NAALADL2: variants seen among roughly 807,000 people sequenced by gnomAD.
NAALADL2 encodes inactive N-acetylated-alpha-linked acidic dipeptidase-like protein 2.
Under a neutral mutation model 87.2 loss-of-function variants are expected in NAALADL2, and 76 were observed. The observed-to-expected ratio is 0.87, with a 90% CI of 0.72 to 1.05. The LOEUF is 1.05. NAALADL2 is among the 50% of genes least tolerant of loss of function. The pLI is 0.00. For synonymous variants in NAALADL2, 354 were observed against 331.0 expected (o/e 1.07, Z -0.75); for missense variants, 1,089 against 945.8 (o/e 1.15, Z -1.99).
intron 2 of NAALADL2, among the ~76,000 whole-genome samples, chr3:174,673,484 G>A (rs561182418): frequency 1.7e-4 from 26 of 152,076 alleles, no homozygotes; most frequent in African/African-American, 5.3e-4. Context: ...CTGTTCAGCC[G>A]TAATTTGCAG....
intron 1 of NAALADL2, among the ~76,000 whole-genome samples, chr3:174,945,715 T>C (rs1467065468): frequency 1.3e-5 from 2 of 152,148 alleles, no homozygotes; most frequent in Non-Finnish European, 2.9e-5. Context: ...AGAATGGAAT[T>C]GGAGAGGTCC....
At chr3:174,618,058 C>A (rs368339355) in intron 2 of NAALADL2, among the ~76,000 whole-genome samples, 3 of 151,772 alleles carry the variant, frequency 2.0e-5, no homozygotes, top group Admixed American at 6.6e-5. Context: ...GCATTAAAAC[C>A]AGAGCTGACT....
At chr3:174,853,129 G>A (rs1020369060) in intron 3 of NAALADL2, among the ~76,000 whole-genome samples, 2 of 144,638 alleles carry the variant, frequency 1.4e-5, no homozygotes, top group Admixed American at 1.5e-4. Flanking sequence ...ACTGTGGGAG[G>A]CCAAAGTGGG....
intron 9 of NAALADL2, among the ~76,000 whole-genome samples, chr3:175,572,471 A>G (rs1008620682): frequency 2.4e-4 from 36 of 152,268 alleles, no homozygotes; most frequent in African/African-American, 8.7e-4. Context: ...TAGGGAAAAA[A>G]TTAGACTTTT....
intron 11 of NAALADL2, among the ~76,000 whole-genome samples, chr3:175,692,708 C>T (rs2149923124): frequency 6.6e-6 from 1 of 152,266 alleles, no homozygotes; most frequent in Middle Eastern, 3.4e-3. Flanking sequence ...TAGGGTGCAG[C>T]TGAGAACTTG....
rs77040122 is a variant in NAALADL2 at position 174,715,539 on chromosome 3, G to A, written c.-114-22102G>A. 7.4e-3 allele frequency among the ~76,000 whole-genome samples: 1,119 copies of A among 152,222 alleles called. 9 individuals carry two copies. Among genetic ancestry groups the A allele is most frequent in the Non-Finnish European group, 0.013 (867 of 68,010 alleles). On this transcript the variant is annotated intron_variant, in intron 2 of 3. Coordinates refer to the NAALADL2 transcript ENST00000434257. ...GGATAGGCATTCTCACATTTCACTG[G>A]AGAATGGGTTTCCTCTTTTCAGTCT...
intron 4 of NAALADL2, among the ~76,000 whole-genome samples, chr3:175,292,132 G>A (rs547106187): frequency 1.3e-5 from 2 of 152,174 alleles, no homozygotes; most frequent in East Asian, 3.9e-4. Flanking sequence ...CCTTCTTTTG[G>A]TGCGTTTGTC....
intron 1 of NAALADL2, among the ~76,000 whole-genome samples, chr3:175,078,795 C>T (rs1363375152): frequency 6.6e-6 from 1 of 152,132 alleles, no homozygotes; most frequent in Non-Finnish European, 1.5e-5. Flanking sequence ...GAATAATATT[C>T]CCATGTATGG....
At chr3:175,045,256 T>C (rs1199256254) in intron 1 of NAALADL2, among the ~76,000 whole-genome samples, 1 of 152,182 alleles carries the variant, frequency 6.6e-6, no homozygotes, top group Non-Finnish European at 1.5e-5. Context: ...CCGTGGACAC[T>C]CCACCCGAAG....
At chr3:175,223,340 A>ATTT (rs71626204) in intron 2 of NAALADL2, among the ~76,000 whole-genome samples, 1 of 139,974 alleles carries the variant, frequency 7.1e-6, no homozygotes, top group East Asian at 2.1e-4. Flanking sequence ...TATTAGTTTG[A>ATTT]TTTTTTTTTT....
chr3:174,726,895 G>A (rs1019992472), intron 2 of NAALADL2, among the ~76,000 whole-genome samples: 4 of 151,968 alleles, frequency 2.6e-5, no homozygotes, highest in Admixed American at 6.6e-5. Flanking sequence ...TAATAAGTCC[G>A]TTTTATCTCC....
intron 10 of NAALADL2, chr3:175,581,152 G>A: frequency 2.5e-6 from 1 of 392,560 alleles, no homozygotes; most frequent in Non-Finnish European, 5.2e-6. Context: ...TTTAAAAAAG[G>A]CTGAATAGGC....
chr3:174,637,134 A>G (rs570588583), intron 2 of NAALADL2, among the ~76,000 whole-genome samples: 13 of 152,226 alleles, frequency 8.5e-5, no homozygotes, highest in Admixed American at 8.5e-4. Context: ...TGTCATGGAG[A>G]TAGAGAGTAG....
At chr3:175,730,688 A>T (rs1307281210) in intron 11 of NAALADL2, among the ~76,000 whole-genome samples, 3 of 151,938 alleles carry the variant, frequency 2.0e-5, no homozygotes, top group East Asian at 1.9e-4. Context: ...TGTGGTGATT[A>T]TTAACTCAGT....
chr3:174,474,114 G>T (rs924172027), intron 1 of NAALADL2, among the ~76,000 whole-genome samples: 1 of 152,096 alleles, frequency 6.6e-6, no homozygotes, highest in African/African-American at 2.4e-5. Flanking sequence ...GATAAGATTT[G>T]GATGGGGTCA....
chr3:175,688,393 G>A (rs1448233155), intron 11 of NAALADL2, among the ~76,000 whole-genome samples: 5 of 152,158 alleles, frequency 3.3e-5, no homozygotes, highest in African/African-American at 4.8e-5. Flanking sequence ...CATATTATCA[G>A]GAGCTCAGGT....
chr3:175,005,176 A>G (rs944043473), intron 1 of NAALADL2, among the ~76,000 whole-genome samples: 4 of 152,192 alleles, frequency 2.6e-5, no homozygotes, highest in African/African-American at 7.2e-5. Flanking sequence ...TTTAATATTC[A>G]GAAAAATCCT....
At chr3:175,449,917 TA>T (rs1454517756) in intron 6 of NAALADL2, among the ~76,000 whole-genome samples, 1 of 152,216 alleles carries the variant, frequency 6.6e-6, no homozygotes, top group Non-Finnish European at 1.5e-5. Flanking sequence ...TTATGTTTTT[TA>T]AAATTCAAAA....
chr3:175,137,672 C>G (rs1729326584), intron 2 of NAALADL2, among the ~76,000 whole-genome samples: 1 of 151,130 alleles, frequency 6.6e-6, no homozygotes. Context: ...ATGGCTCAAC[C>G]TCAGCTCAGT....
Sources: gnomAD v4.1 joint callset for allele counts (sites outside exome capture counted in the v4.1 genomes callset) on GRCh38, gnomAD v4.1.1 for gene constraint, MANE v1.5 for transcripts, NCBI Gene and HGNC (gene_info 2026-07-23, HGNC 2026-07-21) for gene names.